The following CYP2C8 variants were observed in gnomAD, a reference collection of about 807,000 sequenced individuals.
CYP2C8 encodes cytochrome P450 family 2 subfamily C member 8, also known as cytochrome P450 2C8.
CYP2C8 carries 51 observed loss-of-function variants against 41.3 expected under a neutral mutation model. That is an observed-to-expected ratio of 1.24 (90% CI 0.99 to 1.56). CYP2C8 has a LOEUF of 1.56. CYP2C8 is among the 40% of genes most tolerant of loss of function. The probability of loss-of-function intolerance (pLI) is 0.00; values close to 1 mark genes in which losing one functional copy is unlikely to be tolerated. For missense variants in CYP2C8, 651 were observed against 579.9 expected, an observed-to-expected ratio of 1.12 and a Z score of -1.26; for synonymous variants, 218 against 205.8, an observed-to-expected ratio of 1.06 and a Z score of -0.51.
rs183636083 is a variant in CYP2C8 at position 95,055,988 on chromosome 10, G to A, written c.819+2347C>T. Among the ~76,000 whole-genome samples the A allele has an allele frequency of 4.1e-4, 63 of 152,172 alleles. No individual in the cohort carries two copies. In the East Asian group the frequency reaches 8.1e-3, roughly 20 times the overall value. On this transcript the variant is annotated intron_variant, in intron 5 of 8. Coordinates refer to ENST00000371270, the MANE Select transcript of CYP2C8 (RefSeq NM_000770.3). ...TGTGCCTGTGCTCCTAGCTACTTGG[G>A]AGGCTGAGGTAGGAGAATCACTTGA...
chr10:95,062,415 A>G (rs981958665), intron 4 of CYP2C8, among the ~76,000 whole-genome samples: 6 of 151,768 alleles, frequency 4.0e-5, no homozygotes, highest in African/African-American at 1.2e-4. Flanking sequence ...TGTCTCTTTT[A>G]ATCTTTGTTG....
rs558730598 is a variant in CYP2C8 at position 95,062,823 on chromosome 10, G to A, written c.642+1977C>T. Among the ~76,000 whole-genome samples, 11 of 152,204 alleles carry A rather than the reference G, an allele frequency of 7.2e-5. No homozygotes were observed. In the South Asian group the frequency reaches 2.1e-3, roughly 29 times the overall value. The stretch of plus-strand genomic sequence containing the variant: ...AGTGCTTCCTTCAGGAGCTCTTTTA[G>A]GGCAGGCCTGGTAGTGACAAAATCT... On this transcript the variant is annotated intron_variant, in intron 4 of 8. Transcript: ENST00000371270.
chr10:95,059,220 C>T, intron 4 of CYP2C8, among the ~76,000 whole-genome samples: 1 of 152,208 alleles, frequency 6.6e-6, no homozygotes, highest in Non-Finnish European at 1.5e-5. Flanking sequence ...AATCACCACA[C>T]TGTCTTTCAT....
chr10:95,067,119 G>C, intron 3 of CYP2C8, 89 bp downstream of exon 3: 1 of 1,580,788 alleles, frequency 6.3e-7, no homozygotes, highest in Non-Finnish European at 8.7e-7. Flanking sequence ...GCGCAATGAA[G>C]ACCTGGCCAC....
Position 95,043,089 on chromosome 10 carries a change from C to T in CYP2C8, c.962-12G>A. The T allele has an allele frequency of 1.2e-6, 2 of 1,613,596 alleles. No homozygotes were observed. The highest frequency in any genetic ancestry group is 1.7e-6 in the Non-Finnish European group (2 of 1,179,630). On this transcript the variant is annotated splice_polypyrimidine_tract_variant and intron_variant, in intron 6 of 8. Transcript: ENST00000371270. ...TTCCTGGACTTTAGCTGACAAGACA[C>T]AAGAAAGAACTGATGGAAACGAAGA...
chr10:95,066,070 A>AAACTGTTG (rs1050996659), intron 3 of CYP2C8, among the ~76,000 whole-genome samples: 1 of 150,604 alleles, frequency 6.6e-6, no homozygotes, highest in African/African-American at 2.4e-5. Context: ...AGTTTCAGAA[A>AAACTGTTG]AACTGTTGTT....
intron 7 of CYP2C8, among the ~76,000 whole-genome samples, chr10:95,041,145 GCA>G (rs1212680414): frequency 6.6e-6 from 1 of 152,108 alleles, no homozygotes; most frequent in Non-Finnish European, 1.5e-5. Flanking sequence ...TGATAAAATT[GCA>G]CACACATTCA....
chr10:95,051,617 T>A (rs1260574830), intron 5 of CYP2C8, among the ~76,000 whole-genome samples: 1 of 152,156 alleles, frequency 6.6e-6, no homozygotes, highest in Non-Finnish European at 1.5e-5. Context: ...CTGCTAGGGT[T>A]TTTATAGTTT....
chr10:95,045,868 T>A lies in CYP2C8; in HGVS notation c.903A>T (p.Thr301=). 6.2e-7 allele frequency: 1 copy of A among 1,614,116 alleles called. No homozygotes were observed. The highest frequency in any genetic ancestry group is 8.5e-7 in the Non-Finnish European group (1 of 1,179,948). The change falls in exon 6 of 9, where the codon ACA becomes ACT. Residue 301 remains threonine, a synonymous_variant. Transcript: ENST00000371270. The stretch of plus-strand genomic sequence containing the variant: ...GTCCATATCTCAGAGTGGTGCTTGT[T>A]GTCTCTGTTCCAGCAACAAATAGAT... ...VADLFVAGTE[T]TSTTLRYGLL...
chr10:95,054,773 G>T (rs2033280831), intron 5 of CYP2C8, among the ~76,000 whole-genome samples: 1 of 152,020 alleles, frequency 6.6e-6, no homozygotes, highest in Non-Finnish European at 1.5e-5. Context: ...TGAGCAATAT[G>T]AAAATAAAAT....
At chr10:95,057,102 G>T (rs890174327) in intron 5 of CYP2C8, among the ~76,000 whole-genome samples, 1 of 152,082 alleles carries the variant, frequency 6.6e-6, no homozygotes, top group Non-Finnish European at 1.5e-5. Flanking sequence ...TGGATCATTG[G>T]GTGCCATGGA....
intron 5 of CYP2C8, among the ~76,000 whole-genome samples, chr10:95,048,247 G>A (rs1297800018): frequency 6.6e-6 from 1 of 152,174 alleles, no homozygotes; most frequent in Non-Finnish European, 1.5e-5. Flanking sequence ...TTCCTTCTGA[G>A]GATAATTGAA....
intron 4 of CYP2C8, among the ~76,000 whole-genome samples, chr10:95,058,762 T>A (rs767120426): frequency 6.6e-6 from 1 of 152,152 alleles, no homozygotes; most frequent in Non-Finnish European, 1.5e-5. Context: ...TCATATACAT[T>A]AGGTATATCT....
intron 4 of CYP2C8, among the ~76,000 whole-genome samples, chr10:95,062,559 A>G (rs1039700596): frequency 6.6e-6 from 1 of 152,138 alleles, no homozygotes; most frequent in Admixed American, 6.6e-5. Context: ...GGGTTTCCTC[A>G]ATACAGCACA....
intron 5 of CYP2C8, among the ~76,000 whole-genome samples, chr10:95,057,016 T>A (rs1300346275): frequency 1.3e-5 from 2 of 152,212 alleles, no homozygotes; most frequent in Non-Finnish European, 2.9e-5. Flanking sequence ...AGGGCAGTTT[T>A]GTGGTCATTT....
intron 1 of CYP2C8, 80 bp downstream of exon 1, chr10:95,069,155 C>A: frequency 6.8e-7 from 1 of 1,469,600 alleles, no homozygotes; most frequent in South Asian, 1.1e-5. Context: ...AGTGTGCTTC[C>A]AGGAATATAT....
chr10:95,065,547 C>T (rs899702399), intron 3 of CYP2C8, among the ~76,000 whole-genome samples: 2 of 152,108 alleles, frequency 1.3e-5, no homozygotes, highest in African/African-American at 4.8e-5. Flanking sequence ...AAGTAAAATG[C>T]TAACTTTTTA....
chr10:95,065,062 C>T (rs2033531431), intron 3 of CYP2C8, 102 bp from the exon 4 acceptor site: 30 of 1,094,704 alleles, frequency 2.7e-5, no homozygotes, highest in Non-Finnish European at 3.5e-5. Flanking sequence ...TAAACAATAT[C>T]TTACAAATTC....
chr10:95,058,169 T>C (rs1430069792), intron 5 of CYP2C8, among the ~76,000 whole-genome samples, 166 bp downstream of exon 5: 1 of 152,208 alleles, frequency 6.6e-6, no homozygotes, highest in Non-Finnish European at 1.5e-5. Flanking sequence ...CAATTTTGTA[T>C]TTTCCATGAT....
Sources: gnomAD v4.1 joint callset for allele counts (sites outside exome capture counted in the v4.1 genomes callset) on GRCh38, gnomAD v4.1.1 for gene constraint, MANE v1.5 for transcripts, NCBI Gene and HGNC (gene_info 2026-07-23, HGNC 2026-07-21) for gene names.